Variants in MBOAT1 observed in about 807,000 individuals in gnomAD.
MBOAT1 encodes the protein membrane bound glycerophospholipid O-acyltransferase 1.
MBOAT1 carries 67 observed loss-of-function variants against 64.4 expected under a neutral mutation model. The observed-to-expected ratio is 1.04, with a 90% CI of 0.85 to 1.27. The LOEUF (loss-of-function observed/expected upper bound fraction) is 1.27, where lower values mean the gene tolerates loss of function less well. Ranked by LOEUF, MBOAT1 falls within the 50% of genes most tolerant of loss-of-function variation. The probability of loss-of-function intolerance (pLI) is 0.00; values close to 1 mark genes in which losing one functional copy is unlikely to be tolerated. For synonymous variants in MBOAT1, 229 were observed against 218.9 expected (o/e 1.05, Z -0.41); for missense variants, 563 against 604.6 (o/e 0.93, Z 0.72).
rs1408757029 is a variant in MBOAT1, at chr6:20,102,286, T to A, written c.1488A>T (p.Ter496CysextTer17). 2 of 1,613,002 alleles carry A rather than the reference T, an allele frequency of 1.2e-6. No homozygotes were observed. The highest frequency in any genetic ancestry group is 3.3e-5 in the Admixed American group (2 of 59,816). The change falls in exon 13 of 13, where the codon TGA becomes TGT. Residue 496 changes from the stop codon to cysteine, a stop_lost. Transcript: ENST00000324607. The part of the protein sequence containing the change: ...LNSINKRKTD[*>C] Reference sequence around the variant, plus strand: ...GCTTGTTCCGCTTCTCTTGGAGGTATCAATCTGTTTTTCTCTTATTAATAG... The same window carrying A: ...GCTTGTTCCGCTTCTCTTGGAGGTAACAATCTGTTTTTCTCTTATTAATAG...
At position 20,151,282 on chromosome 6, in the gene MBOAT1, G is replaced by A. The variant is rs747888741; in HGVS notation, c.246-20C>T. 1 of 1,552,580 alleles carries A rather than the reference G, an allele frequency of 6.4e-7. No homozygotes were observed. Among genetic ancestry groups the A allele is most frequent in the Non-Finnish European group, 8.9e-7 (1 of 1,126,296 alleles). On this transcript the variant is annotated intron_variant, in intron 2 of 12. Coordinates refer to ENST00000324607, the MANE Select transcript of MBOAT1 (RefSeq NM_001080480.3). ...GAGTACCTTTAAGACATAATAGTAG[G>A]GGGAGGAGTAATGAATATATTTCAT...
intron 11 of MBOAT1, among the ~76,000 whole-genome samples, chr6:20,111,595 T>C (rs142203541): frequency 6.6e-6 from 1 of 152,010 alleles, no homozygotes; most frequent in Admixed American, 6.6e-5. Flanking sequence ...CCTGAGGGAA[T>C]AATACTCTGG....
chr6:20,212,316 G>A lies in MBOAT1; in HGVS notation c.-82C>T, dbSNP rs1763463756. The stretch of plus-strand genomic sequence containing the variant: ...CGTCCTCCCGCCCGGGTGCTCTTGG[G>A]TGGTTGCCCCGAGAGGCGCACGGCC... On this transcript the variant is annotated 5_prime_UTR_variant, in exon 1 of 13. Coordinates refer to ENST00000324607, the MANE Select transcript of MBOAT1 (RefSeq NM_001080480.3). 3 of 1,367,036 alleles carry A rather than the reference G, an allele frequency of 2.2e-6. No homozygotes were observed. Among genetic ancestry groups the A allele is most frequent in the Admixed American group, 2.0e-5 (1 of 49,346 alleles). The allele number at this position is 1,367,036 out of a possible 1,614,324, so 84.7% of individuals were successfully genotyped here. A position where few individuals can be genotyped will look rare whatever the true frequency, so the allele number is the denominator to read the frequency against.
At chr6:20,125,292 A>G (rs916610375) in intron 7 of MBOAT1, among the ~76,000 whole-genome samples, 1 of 152,216 alleles carries the variant, frequency 6.6e-6, no homozygotes, top group African/African-American at 2.4e-5. Context: ...GTATGGGCAT[A>G]GCAATAGCAC....
At chr6:20,117,290 A>T (rs1355360878) in intron 9 of MBOAT1, among the ~76,000 whole-genome samples, 1 of 152,254 alleles carries the variant, frequency 6.6e-6, no homozygotes, top group African/African-American at 2.4e-5. Context: ...CCCTCAATTA[A>T]TATCTGTTGA....
At chr6:20,131,981 C>T (rs1311788477) in intron 4 of MBOAT1, among the ~76,000 whole-genome samples, 3 of 152,068 alleles carry the variant, frequency 2.0e-5, no homozygotes, top group Admixed American at 6.5e-5. Context: ...CTCCTGGGCT[C>T]AAGCAATCCT....
At chr6:20,110,207 C>T (rs1426693511) in intron 11 of MBOAT1, among the ~76,000 whole-genome samples, 2 of 135,840 alleles carry the variant, frequency 1.5e-5, no homozygotes, top group East Asian at 2.6e-4. Context: ...CCGCGCCCGG[C>T]CCAGGACTCT....
chr6:20,166,215 C>CT (rs1762011633), intron 1 of MBOAT1, among the ~76,000 whole-genome samples: 1 of 152,100 alleles, frequency 6.6e-6, no homozygotes, highest in Non-Finnish European at 1.5e-5. Flanking sequence ...AAAAGATGGA[C>CT]ATCTTTCCAA....
rs1367250906 is a variant in MBOAT1 at position 20,101,665 on chromosome 6, A to G, written c.*621T>C. ...CAGCATCCAGGTCACAGTAGCTGGA[A>G]ATCATGCAGGAAGGGCAAAAAGCCA... On this transcript the variant is annotated 3_prime_UTR_variant, in exon 13 of 13. Transcript: ENST00000324607. 1.8e-4 allele frequency among the ~76,000 whole-genome samples: 28 copies of G among 152,166 alleles called. No individual in the cohort carries two copies. The highest frequency in any genetic ancestry group is 1.8e-3 in the Admixed American group (28 of 15,278).
chr6:20,210,331 GA>G (rs1213506279), intron 1 of MBOAT1, among the ~76,000 whole-genome samples: 4 of 151,998 alleles, frequency 2.6e-5, no homozygotes, highest in African/African-American at 9.7e-5. Context: ...ATGTGAAAGG[GA>G]AAAAACACAC....
At chr6:20,210,304 T>G (rs1398292612) in intron 1 of MBOAT1, among the ~76,000 whole-genome samples, 2 of 152,152 alleles carry the variant, frequency 1.3e-5, no homozygotes, top group African/African-American at 4.8e-5. Flanking sequence ...CATCTAAGCC[T>G]TTAAAAAGCC....
At position 20,125,918 on chromosome 6, in the gene MBOAT1, A is replaced by G. The variant is rs1388001601; in HGVS notation, c.714+599T>C. The stretch of plus-strand genomic sequence containing the variant: ...ATTACAAATGTCCCTTAAATATAGG[A>G]TATTTGACCTGAATAAATTGAGCAT... On this transcript the variant is annotated intron_variant, in intron 7 of 12. Coordinates refer to ENST00000324607, the MANE Select transcript of MBOAT1 (RefSeq NM_001080480.3). The G allele has an allele frequency of 1.8e-5, 8 of 434,466 alleles. No homozygotes were observed. In the Admixed American group the frequency reaches 2.0e-4, roughly 11 times the overall value. 26.9% of individuals were successfully genotyped at this position (434,466 alleles called of 1,614,324 possible).
intron 12 of MBOAT1, among the ~76,000 whole-genome samples, 178 bp from the exon 13 acceptor site, chr6:20,102,590 G>A (rs1045748960): frequency 1.3e-5 from 2 of 152,104 alleles, no homozygotes; most frequent in Non-Finnish European, 2.9e-5. Context: ...GTAGGTGAGC[G>A]GGTCACAGAT....
At chr6:20,109,345 C>T (rs1760052196) in intron 12 of MBOAT1, among the ~76,000 whole-genome samples, 1 of 152,142 alleles carries the variant, frequency 6.6e-6, no homozygotes, top group African/African-American at 2.4e-5. Context: ...AATATACTGC[C>T]ATGAGGGGGC....
At chr6:20,178,005 G>A (rs1439832943) in intron 1 of MBOAT1, among the ~76,000 whole-genome samples, 1 of 152,102 alleles carries the variant, frequency 6.6e-6, no homozygotes, top group Non-Finnish European at 1.5e-5. Context: ...GGCATTGAGT[G>A]TCACTCGCAA....
chr6:20,134,977 CAAA>C, intron 4 of MBOAT1, among the ~76,000 whole-genome samples: 1 of 122,572 alleles, frequency 8.2e-6, no homozygotes, highest in Admixed American at 9.6e-5. Flanking sequence ...ACAGGAAGGA[CAAA>C]AAAAGGAGGA....
chr6:20,128,114 T>C (rs374648374), intron 6 of MBOAT1, among the ~76,000 whole-genome samples: 36 of 152,080 alleles, frequency 2.4e-4, no homozygotes, highest in South Asian at 1.0e-3. Flanking sequence ...CTGCACCCGA[T>C]GTGCTACCCC....
intron 1 of MBOAT1, among the ~76,000 whole-genome samples, chr6:20,191,290 G>T (rs1762793329): frequency 6.6e-6 from 1 of 152,046 alleles, no homozygotes; most frequent in Non-Finnish European, 1.5e-5. Flanking sequence ...CCATGCTCTT[G>T]AACTTCCCAG....
chr6:20,121,461 G>T (rs570493273), intron 8 of MBOAT1, among the ~76,000 whole-genome samples: 147 of 152,234 alleles, frequency 9.7e-4, no homozygotes, highest in Non-Finnish European at 2.0e-3. Flanking sequence ...AGGGAAGCAT[G>T]GGGGGGAGTA....
Sources: allele counts gnomAD v4.1 joint callset (sites outside exome capture counted in the v4.1 genomes callset), GRCh38; gene constraint gnomAD v4.1.1; transcripts MANE v1.5; gene names NCBI Gene and HGNC (gene_info 2026-07-23, HGNC 2026-07-21).